The following PIP4K2A variants were observed in gnomAD, a reference collection of about 807,000 sequenced individuals.
PIP4K2A encodes the protein phosphatidylinositol-5-phosphate 4-kinase type 2 alpha.
Under a neutral mutation model 42.9 loss-of-function variants are expected in PIP4K2A, and 14 were observed. The observed-to-expected ratio is 0.33, with a 90% CI of 0.22 to 0.51. PIP4K2A has a LOEUF of 0.51. Among genes scored for constraint, PIP4K2A ranks in the 20% least tolerant of loss-of-function variants. The probability of loss-of-function intolerance (pLI) is 0.97; values close to 1 mark genes in which losing one functional copy is unlikely to be tolerated. For missense variants in PIP4K2A, 434 were observed against 519.8 expected (o/e 0.83, Z 1.61); for synonymous variants, 192 against 192.2 (o/e 1.00, Z 0.01).
chr10:22,537,373 T>G (rs898137942), intron 9 of PIP4K2A, 92 bp from the exon 10 acceptor site: 1 of 956,460 alleles, frequency 1.0e-6, no homozygotes, highest in African/African-American at 1.7e-5. Flanking sequence ...CAATGGCAAC[T>G]GAATATACAG....
chr10:22,710,835 A>T (rs1487850053), intron 1 of PIP4K2A, among the ~76,000 whole-genome samples: 1 of 152,228 alleles, frequency 6.6e-6, no homozygotes, highest in Admixed American at 6.5e-5. Flanking sequence ...TTCTATACAG[A>T]TAATGTTTTC....
At chr10:22,590,879 C>T (rs780669224) in intron 4 of PIP4K2A, among the ~76,000 whole-genome samples, 3 of 152,098 alleles carry the variant, frequency 2.0e-5, no homozygotes, top group Admixed American at 6.5e-5. Context: ...TAAAAAACAA[C>T]CAAGACCAGA....
chr10:22,571,643 T>C (rs759090461), intron 5 of PIP4K2A, among the ~76,000 whole-genome samples: 7 of 152,240 alleles, frequency 4.6e-5, no homozygotes, highest in Admixed American at 2.0e-4. Flanking sequence ...TTCATTGATA[T>C]GATTTCAGAT....
At chr10:22,578,693 C>T (rs996881860) in intron 4 of PIP4K2A, among the ~76,000 whole-genome samples, 1 of 151,988 alleles carries the variant, frequency 6.6e-6, no homozygotes, top group African/African-American at 2.4e-5. Flanking sequence ...ACTTATGATT[C>T]TCAGTCCACA....
intron 1 of PIP4K2A, among the ~76,000 whole-genome samples, chr10:22,666,267 G>A (rs1336310252): frequency 6.6e-6 from 1 of 152,138 alleles, no homozygotes; most frequent in Non-Finnish European, 1.5e-5. Context: ...TCTGAGAAAT[G>A]TTGAGAGCTA....
intron 1 of PIP4K2A, among the ~76,000 whole-genome samples, chr10:22,688,986 G>A (rs1280454325): frequency 6.6e-6 from 1 of 152,186 alleles, no homozygotes; most frequent in Non-Finnish European, 1.5e-5. Flanking sequence ...TTAGATTCAT[G>A]CAAGGAATCA....
At chr10:22,571,011 A>T (rs1836972472) in intron 5 of PIP4K2A, among the ~76,000 whole-genome samples, 1 of 152,226 alleles carries the variant, frequency 6.6e-6, no homozygotes, top group Admixed American at 6.5e-5. Context: ...AACACATGAA[A>T]GCATAACATT....
chr10:22,714,340 G>A lies in PIP4K2A; in HGVS notation c.-14C>T. The A allele has an allele frequency of 6.3e-7, 1 of 1,586,356 alleles. No individual in the cohort carries two copies. The highest frequency in any genetic ancestry group is 8.6e-7 in the Non-Finnish European group (1 of 1,166,308). ...GGGGGTCGCCATGGCCGCCTCCTAT[G>A]TCCCCTCCACCGCCGTGCTCCCGAG... On this transcript the variant is annotated 5_prime_UTR_variant, in exon 1 of 10. Transcript: ENST00000376573.
Position 22,536,864 on chromosome 10 carries a change from A to C in PIP4K2A, c.*337T>G, listed in dbSNP as rs1248078651. ...CACTCATTCATTCGGCCATAGCTGG[A>C]ATCAAAGGGTCTTTGTTGGGACACA... On this transcript the variant is annotated 3_prime_UTR_variant, in exon 10 of 10. Transcript: ENST00000376573. 2 of 194,034 alleles carry C rather than the reference A, an allele frequency of 1.0e-5. No individual in the cohort carries two copies. Among genetic ancestry groups the C allele is most frequent in the Non-Finnish European group, 2.1e-5 (2 of 95,854 alleles). 12.0% of individuals were successfully genotyped at this position (194,034 alleles called of 1,614,324 possible). A position where few individuals can be genotyped will look rare whatever the true frequency, so the allele number is the denominator to read the frequency against.
intron 1 of PIP4K2A, among the ~76,000 whole-genome samples, chr10:22,654,470 G>A (rs1413945082): frequency 2.0e-5 from 3 of 152,284 alleles, no homozygotes; most frequent in Middle Eastern, 3.4e-3. Flanking sequence ...TAGTAACAAC[G>A]ACATCTGTGA....
intron 5 of PIP4K2A, among the ~76,000 whole-genome samples, chr10:22,571,455 G>A (rs964462263): frequency 6.6e-6 from 1 of 152,216 alleles, no homozygotes; most frequent in African/African-American, 2.4e-5. Context: ...TGATGACATT[G>A]GTGGTAACAC....
intron 1 of PIP4K2A, among the ~76,000 whole-genome samples, chr10:22,696,003 C>A (rs1045239747): frequency 6.6e-6 from 1 of 151,990 alleles, no homozygotes; most frequent in Non-Finnish European, 1.5e-5. Context: ...AGACTGCATG[C>A]GCAATATTTT....
At chr10:22,634,903 T>A (rs1475489908) in intron 1 of PIP4K2A, among the ~76,000 whole-genome samples, 2 of 152,070 alleles carry the variant, frequency 1.3e-5, no homozygotes, top group African/African-American at 4.8e-5. Flanking sequence ...CCAAAGAAAA[T>A]TTCCAATTTC....
In PIP4K2A at chr10:22,714,174, A is replaced by C. The variant is rs935855874; in HGVS notation, c.144+9T>G. The C allele has an allele frequency of 6.2e-7, 1 of 1,604,256 alleles. No individual in the cohort carries two copies. Among genetic ancestry groups the C allele is most frequent in the Non-Finnish European group, 8.5e-7 (1 of 1,174,574 alleles). On this transcript the variant is annotated intron_variant, in intron 1 of 9. Transcript: ENST00000376573. Reference sequence around the variant, plus strand: ...GGAAGGGGACCGCGCGCCGCAGCTGAGCCCTTACCGAGTGGTTTACCCCCC... The same window carrying C: ...GGAAGGGGACCGCGCGCCGCAGCTGCGCCCTTACCGAGTGGTTTACCCCCC...
chr10:22,606,947 C>T (rs1410536590), intron 3 of PIP4K2A, among the ~76,000 whole-genome samples: 1 of 152,208 alleles, frequency 6.6e-6, no homozygotes, highest in African/African-American at 2.4e-5. Flanking sequence ...ATTTCATATA[C>T]ACCTTATACA....
intron 3 of PIP4K2A, among the ~76,000 whole-genome samples, chr10:22,594,607 G>A (rs1837590630): frequency 6.6e-6 from 1 of 152,138 alleles, no homozygotes; most frequent in South Asian, 2.1e-4. Context: ...TTCTGGCCAG[G>A]GTGATCTCGA....
intron 1 of PIP4K2A, chr10:22,646,292 G>A (rs1838879768): frequency 6.6e-6 from 1 of 152,152 alleles, no homozygotes; most frequent in Non-Finnish European, 1.5e-5. Context: ...GAGACAAGAG[G>A]AATAGAGAAA....
chr10:22,578,122 C>T (rs1837166662), intron 4 of PIP4K2A, among the ~76,000 whole-genome samples: 1 of 152,150 alleles, frequency 6.6e-6, no homozygotes, highest in Non-Finnish European at 1.5e-5. Context: ...AATAATTGTT[C>T]AATCTAAGTG....
chr10:22,584,970 T>G lies in PIP4K2A; in HGVS notation c.492+6659A>C, dbSNP rs993523280. 3.3e-5 allele frequency among the ~76,000 whole-genome samples: 5 copies of G among 152,272 alleles called. No individual in the cohort carries two copies. In the East Asian group the frequency reaches 7.7e-4, roughly 23 times the overall value. On this transcript the variant is annotated intron_variant, in intron 4 of 9. Coordinates refer to ENST00000376573, the MANE Select transcript of PIP4K2A (RefSeq NM_005028.5). Reference sequence around the variant, plus strand: ...TGCCCTGTCACTCACCGGGGGCACATGAGCATCACCTGGGGGCCTGGTAGA... The same window carrying G: ...TGCCCTGTCACTCACCGGGGGCACAGGAGCATCACCTGGGGGCCTGGTAGA...
Sources: allele counts gnomAD v4.1 joint callset (sites outside exome capture counted in the v4.1 genomes callset), GRCh38; gene constraint gnomAD v4.1.1; transcripts MANE v1.5; gene names NCBI Gene and HGNC (gene_info 2026-07-23, HGNC 2026-07-21).